The following CDKN2B-AS1 variants were observed in gnomAD, a reference collection of about 807,000 sequenced individuals.
CDKN2B-AS1 encodes the protein CDKN2B antisense RNA 1 (non-protein coding).
intron 4 of CDKN2B-AS1, among the ~76,000 whole-genome samples, chr9:22,076,753 C>T (rs758648128): frequency 1.1e-4 from 17 of 152,074 alleles, no homozygotes; most frequent in African/African-American, 2.9e-4. Flanking sequence ...AGTGCAGTGG[C>T]GCAATCTTGG....
At chr9:22,086,584 T>C (rs1399792715) in intron 4 of CDKN2B-AS1, among the ~76,000 whole-genome samples, 1 of 152,220 alleles carries the variant, frequency 6.6e-6, no homozygotes, top group Non-Finnish European at 1.5e-5. Flanking sequence ...CTGAAGCTTT[T>C]AGAAAATATG....
At chr9:22,066,159 G>A (rs529712568) in intron 4 of CDKN2B-AS1, 6 of 151,946 alleles carry the variant, frequency 3.9e-5, no homozygotes, top group Non-Finnish European at 7.4e-5. Context: ...AGGACAATGT[G>A]GGTGATGAAG....
chr9:22,040,309 G>C (rs1324172264), intron 1 of CDKN2B-AS1, among the ~76,000 whole-genome samples: 1 of 151,968 alleles, frequency 6.6e-6, no homozygotes, highest in Non-Finnish European at 1.5e-5. Context: ...TTAGGAAATG[G>C]AGCCTCATAG....
chr9:22,015,142 G>C (rs1439983875), intron 1 of CDKN2B-AS1, among the ~76,000 whole-genome samples: 1 of 152,054 alleles, frequency 6.6e-6, no homozygotes, highest in Non-Finnish European at 1.5e-5. Flanking sequence ...GGATGGCTGG[G>C]TCAAATGGTA....
At chr9:22,068,773 C>G (rs1481138273) in intron 4 of CDKN2B-AS1, among the ~76,000 whole-genome samples, 1 of 152,204 alleles carries the variant, frequency 6.6e-6, no homozygotes, top group African/African-American at 2.4e-5. Flanking sequence ...GAAACATAAT[C>G]AAGCTTGGAT....
intron 1 of CDKN2B-AS1, among the ~76,000 whole-genome samples, chr9:22,031,902 A>G (rs1822488199): frequency 6.6e-6 from 1 of 152,226 alleles, no homozygotes; most frequent in Non-Finnish European, 1.5e-5. Flanking sequence ...AGAGAGGCTC[A>G]CATGGCAGGG....
intron 4 of CDKN2B-AS1, among the ~76,000 whole-genome samples, chr9:22,074,529 G>C (rs934734822): frequency 7.4e-4 from 112 of 152,132 alleles, no homozygotes; most frequent in African/African-American, 2.7e-3. Flanking sequence ...GTAAACTTCA[G>C]ACTTCACATA....
intron 1 of CDKN2B-AS1, among the ~76,000 whole-genome samples, chr9:22,031,878 C>T (rs1241266689): frequency 6.6e-6 from 1 of 152,206 alleles, no homozygotes; most frequent in Non-Finnish European, 1.5e-5. Context: ...TTTGATGAAG[C>T]AGGCTGCCAC....
chr9:22,064,196 TC>T (rs1823940613), intron 4 of CDKN2B-AS1, among the ~76,000 whole-genome samples: 2 of 152,134 alleles, frequency 1.3e-5, no homozygotes, highest in Non-Finnish European at 2.9e-5. Flanking sequence ...TTCTATTGTG[TC>T]TTGAAGAATG....
At chr9:22,107,857 G>A (rs1261158996) in intron 4 of CDKN2B-AS1, among the ~76,000 whole-genome samples, 2 of 152,152 alleles carry the variant, frequency 1.3e-5, no homozygotes, top group African/African-American at 2.4e-5. Context: ...GACAATATGT[G>A]CTTAGAAGGA....
intron 4 of CDKN2B-AS1, among the ~76,000 whole-genome samples, chr9:22,085,495 C>T (rs1024486449): frequency 9.2e-5 from 14 of 152,176 alleles, no homozygotes; most frequent in African/African-American, 2.2e-4. Context: ...CTGAGGCGGG[C>T]GGATCACGAG....
chr9:22,031,165 C>A (rs562188978), intron 1 of CDKN2B-AS1: 3 of 152,032 alleles, frequency 2.0e-5, no homozygotes, highest in South Asian at 2.1e-4. Flanking sequence ...ATTCACTCAC[C>A]CTTTTAAAAA....
chr9:22,064,058 G>A (rs1437262647), intron 4 of CDKN2B-AS1: 1 of 152,198 alleles, frequency 6.6e-6, no homozygotes, highest in Non-Finnish European at 1.5e-5. Context: ...GGGGGTATAA[G>A]TTTAGTAGGA....
At chr9:22,049,261 A>G (rs1823236028) in intron 3 of CDKN2B-AS1, 1 of 152,154 alleles carries the variant, frequency 6.6e-6, no homozygotes, top group Non-Finnish European at 1.5e-5. Flanking sequence ...TTAGATATGA[A>G]CCCTAATTGA....
intron 1 of CDKN2B-AS1, among the ~76,000 whole-genome samples, chr9:22,011,535 C>T (rs1821509519): frequency 1.3e-5 from 2 of 152,098 alleles, no homozygotes; most frequent in African/African-American, 4.8e-5. Context: ...ATAACTTTTG[C>T]GACTTCAGAG....
chr9:22,027,848 A>G (rs1822304922), intron 1 of CDKN2B-AS1, among the ~76,000 whole-genome samples: 1 of 152,230 alleles, frequency 6.6e-6, no homozygotes, highest in Non-Finnish European at 1.5e-5. Flanking sequence ...AAATAAATGA[A>G]ATAAATTGAA....
intron 4 of CDKN2B-AS1, among the ~76,000 whole-genome samples, chr9:22,075,820 T>G (rs772606717): frequency 2.6e-5 from 4 of 152,156 alleles, no homozygotes; most frequent in Non-Finnish European, 5.9e-5. Flanking sequence ...CGTTTGTATT[T>G]AATACATCCC....
At chr9:22,119,994 AGTTAGT>A (rs1376496800) in intron 4 of CDKN2B-AS1, 1 of 152,216 alleles carries the variant, frequency 6.6e-6, no homozygotes, top group Non-Finnish European at 1.5e-5. Flanking sequence ...CCTTGTTTGA[AGTTAGT>A]AGCTGTGTGA....
chr9:22,090,217 C>T (rs573743464), intron 4 of CDKN2B-AS1, among the ~76,000 whole-genome samples: 17 of 152,102 alleles, frequency 1.1e-4, no homozygotes, highest in Middle Eastern at 3.4e-3. Context: ...TTTCTTAATC[C>T]ACTCTATCAT....
Sources: allele counts gnomAD v4.1 joint callset (sites outside exome capture counted in the v4.1 genomes callset), GRCh38; gene constraint gnomAD v4.1.1; transcripts MANE v1.5; gene names NCBI Gene and HGNC (gene_info 2026-07-23, HGNC 2026-07-21).